FMN1: variants seen among roughly 807,000 people sequenced by gnomAD.
FMN1 encodes formin-1.
In FMN1, 110 loss-of-function variants were observed where a neutral mutation model predicts 132.4. The ratio of observed to expected loss-of-function variants is 0.83; its 90% CI spans 0.71 to 0.97. The LOEUF (loss-of-function observed/expected upper bound fraction) is 0.97. FMN1 is among the 50% of genes least tolerant of loss of function. The pLI is 0.00. For synonymous variants in FMN1, 722 were observed against 651.7 expected, an observed-to-expected ratio of 1.11 and a Z score of -1.64; for missense variants, 1,792 against 1,705.3, an observed-to-expected ratio of 1.05 and a Z score of -0.90.
chr15:32,997,417 A>T (rs1012662014), intron 7 of FMN1, among the ~76,000 whole-genome samples: 1 of 152,040 alleles, frequency 6.6e-6, no homozygotes, highest in African/African-American at 2.4e-5. Flanking sequence ...GAAAAAATTA[A>T]AACTTAAAAA....
chr15:32,875,577 C>T (rs1434113642), intron 16 of FMN1, among the ~76,000 whole-genome samples: 1 of 152,016 alleles, frequency 6.6e-6, no homozygotes, highest in Non-Finnish European at 1.5e-5. Flanking sequence ...AGTTCATGGC[C>T]CCTATCCACC....
chr15:33,103,341 G>C (rs2039365242), intron 4 of FMN1, among the ~76,000 whole-genome samples: 1 of 152,038 alleles, frequency 6.6e-6, no homozygotes, highest in African/African-American at 2.4e-5. Context: ...CTCTGTGAAA[G>C]GGGGAAATAA....
At chr15:33,052,591 G>C (rs1217366210) in intron 6 of FMN1, among the ~76,000 whole-genome samples, 1 of 152,124 alleles carries the variant, frequency 6.6e-6, no homozygotes, top group African/African-American at 2.4e-5. Flanking sequence ...GTTAGCATCA[G>C]ACTCCAGGTT....
intron 7 of FMN1, among the ~76,000 whole-genome samples, chr15:32,991,460 T>C (rs1355981775): frequency 6.6e-6 from 1 of 152,106 alleles, no homozygotes; most frequent in East Asian, 1.9e-4. Flanking sequence ...GTGGTGAAGG[T>C]AGGAGCCCCA....
At chr15:32,790,678 T>A (rs1196393092) in intron 19 of FMN1, among the ~76,000 whole-genome samples, 3 of 152,192 alleles carry the variant, frequency 2.0e-5, no homozygotes, top group Non-Finnish European at 4.4e-5. Flanking sequence ...GTGGTCCTGA[T>A]TATGGCTAAG....
intron 6 of FMN1, among the ~76,000 whole-genome samples, chr15:33,062,264 GTTAT>G (rs962488562): frequency 6.6e-6 from 1 of 152,122 alleles, no homozygotes; most frequent in African/African-American, 2.4e-5. Flanking sequence ...ACTTACAGTA[GTTAT>G]TTATAATACA....
chr15:32,840,760 G>A (rs1030820734), intron 17 of FMN1, among the ~76,000 whole-genome samples: 1 of 152,138 alleles, frequency 6.6e-6, no homozygotes, highest in African/African-American at 2.4e-5. Context: ...TGTGCCAGTG[G>A]GTCATCATGC....
At chr15:32,869,198 A>G (rs1406201306) in intron 16 of FMN1, among the ~76,000 whole-genome samples, 2 of 152,188 alleles carry the variant, frequency 1.3e-5, no homozygotes, top group African/African-American at 4.8e-5. Flanking sequence ...CTCTCCTCAG[A>G]TCACTGGTGT....
chr15:32,992,352 T>G (rs1354569285), intron 7 of FMN1, among the ~76,000 whole-genome samples: 3 of 152,214 alleles, frequency 2.0e-5, no homozygotes, highest in Non-Finnish European at 4.4e-5. Flanking sequence ...CTCATTATAA[T>G]AATCACAGAT....
chr15:33,139,111 A>T (rs1385638788), intron 4 of FMN1, among the ~76,000 whole-genome samples: 1 of 152,228 alleles, frequency 6.6e-6, no homozygotes, highest in Non-Finnish European at 1.5e-5. Context: ...GAAAAAGTAG[A>T]CGTTTAATGT....
chr15:33,183,635 G>C (rs893422534), intron 2 of FMN1, among the ~76,000 whole-genome samples: 27 of 152,196 alleles, frequency 1.8e-4, no homozygotes, highest in African/African-American at 6.5e-4. Context: ...CAAATTGGTG[G>C]GTTGACATTT....
At chr15:32,791,460 G>A (rs1160336092) in intron 19 of FMN1, among the ~76,000 whole-genome samples, 1 of 151,440 alleles carries the variant, frequency 6.6e-6, no homozygotes, top group Non-Finnish European at 1.5e-5. Context: ...TTTATTTCAT[G>A]AGCAATGGAA....
rs111952111 is a variant in FMN1, at chr15:32,801,618, A to C, written c.3980+2663T>G. Among the ~76,000 whole-genome samples the C allele has an allele frequency of 4.4e-3, 657 of 150,336 alleles. 2 individuals carry two copies. The highest frequency in any genetic ancestry group is 0.02 in the East Asian group (105 of 5,160). On this transcript the variant is annotated intron_variant, in intron 18 of 20. Transcript: ENST00000616417. ...CATCTCTACTAAAAACAAAAACAAA[A>C]AAACAAAAACAAACAAACAAAAAAA...
intron 19 of FMN1, among the ~76,000 whole-genome samples, chr15:32,785,218 A>ATATATATATATATTTTTTTT (rs1444523400): frequency 2.6e-5 from 1 of 39,202 alleles, no homozygotes; most frequent in Non-Finnish European, 4.5e-5. Context: ...ATATATATAT[A>ATATATATATATATTTTTTTT]TTTTTTTTTT....
intron 6 of FMN1, among the ~76,000 whole-genome samples, chr15:33,014,355 G>T (rs1459538465): frequency 2.6e-5 from 4 of 152,154 alleles, no homozygotes; most frequent in Admixed American, 6.5e-5. Context: ...CAAGACCAAG[G>T]ATGTGTGTAT....
intron 17 of FMN1, among the ~76,000 whole-genome samples, chr15:32,807,375 G>T (rs1471172043): frequency 6.6e-6 from 1 of 152,198 alleles, no homozygotes; most frequent in Admixed American, 6.5e-5. Context: ...AATTAGTCTG[G>T]TACTTAGCCA....
intron 4 of FMN1, among the ~76,000 whole-genome samples, chr15:33,124,402 G>A (rs1431500645): frequency 1.3e-5 from 2 of 152,124 alleles, no homozygotes; most frequent in South Asian, 2.1e-4. Flanking sequence ...CACCCCCCTT[G>A]CCATTTTGTG....
chr15:33,043,153 A>G (rs949643605), intron 6 of FMN1, among the ~76,000 whole-genome samples: 20 of 152,212 alleles, frequency 1.3e-4, no homozygotes, highest in African/African-American at 4.8e-4. Context: ...TACCCTTTTG[A>G]GAAGCTGAGC....
intron 4 of FMN1, chr15:33,151,244 A>G: frequency 3.3e-6 from 5 of 1,535,854 alleles, no homozygotes; most frequent in Admixed American, 2.0e-5. Flanking sequence ...AGTTACCCAT[A>G]TCAAAAAAAG....
Sources: allele counts gnomAD v4.1 joint callset (sites outside exome capture counted in the v4.1 genomes callset), GRCh38; gene constraint gnomAD v4.1.1; transcripts MANE v1.5; gene names NCBI Gene and HGNC (gene_info 2026-07-23, HGNC 2026-07-21).